The following CDK5RAP2 variants were observed in gnomAD, a reference collection of about 807,000 sequenced individuals.
CDK5RAP2 encodes CDK5 regulatory subunit associated protein 2, also known as CDK5 regulatory subunit-associated protein 2.
In CDK5RAP2, 147 loss-of-function variants were observed where a neutral mutation model predicts 232.9. That is an observed-to-expected ratio of 0.63 (90% CI 0.55 to 0.72). The LOEUF (loss-of-function observed/expected upper bound fraction) is 0.72, where lower values mean the gene tolerates loss of function less well. Ranked by LOEUF, CDK5RAP2 falls within the 30% of genes least tolerant of loss-of-function variation. The probability of loss-of-function intolerance (pLI) is 0.00; values close to 1 mark genes in which losing one functional copy is unlikely to be tolerated. For missense variants in CDK5RAP2, 2,195 were observed against 2,231.5 expected (o/e 0.98, Z 0.33); for synonymous variants, 833 against 833.7 (o/e 1.00, Z 0.01).
At chr9:120,391,432 A>C (rs1400859179) in intron 36 of CDK5RAP2, among the ~76,000 whole-genome samples, 1 of 152,328 alleles carries the variant, frequency 6.6e-6, no homozygotes, top group African/African-American at 2.4e-5. Context: ...GGGCCTGCCC[A>C]ACTCAGTCCA....
intron 26 of CDK5RAP2, 42 bp downstream of exon 26, chr9:120,422,651 G>C (rs757403015): frequency 6.6e-7 from 1 of 1,510,770 alleles, no homozygotes; most frequent in Non-Finnish European, 9.2e-7. Flanking sequence ...ATCAGACCTA[G>C]AAAGTCCTGG....
At position 120,556,167 on chromosome 9, in the gene CDK5RAP2, T is replaced by C. The variant is rs184919698; in HGVS notation, c.196-5265A>G. Among the ~76,000 whole-genome samples, 14 of 152,296 alleles carry C rather than the reference T, an allele frequency of 9.2e-5. No individual in the cohort carries two copies. The East Asian group carries it at 1.7e-3, about 19-fold the overall frequency. On this transcript the variant is annotated intron_variant, in intron 3 of 37. Coordinates refer to ENST00000349780, the MANE Select transcript of CDK5RAP2 (RefSeq NM_018249.6). ...ACATATAAAAAACTATAACCACACATACATACATATAGATTACAATAGTGA... is the reference window on the plus strand; with the variant it reads ...ACATATAAAAAACTATAACCACACACACATACATATAGATTACAATAGTGA...
chr9:120,510,803 G>T (rs551330912), intron 12 of CDK5RAP2, among the ~76,000 whole-genome samples: 1 of 152,276 alleles, frequency 6.6e-6, no homozygotes, highest in South Asian at 2.1e-4. Context: ...GGGCCCCTTT[G>T]GCAGCAGGGA....
intron 5 of CDK5RAP2, 36 bp from the exon 6 acceptor site, chr9:120,539,200 G>A (rs770274869): frequency 1.2e-6 from 2 of 1,613,016 alleles, no homozygotes; most frequent in Non-Finnish European, 1.7e-6. Context: ...ACATGCAAGG[G>A]TGATGGTCTG....
chr9:120,519,025 A>G (rs1420806548), intron 11 of CDK5RAP2, among the ~76,000 whole-genome samples: 2 of 151,944 alleles, frequency 1.3e-5, no homozygotes, highest in Non-Finnish European at 2.9e-5. Context: ...AAATACAAAA[A>G]TTAGCCAGGC....
At chr9:120,553,992 T>C (rs2042136701) in intron 3 of CDK5RAP2, among the ~76,000 whole-genome samples, 2 of 152,162 alleles carry the variant, frequency 1.3e-5, no homozygotes, top group African/African-American at 4.8e-5. Context: ...TTATTAAAAG[T>C]CAATTCATCC....
intron 23 of CDK5RAP2, among the ~76,000 whole-genome samples, chr9:120,443,111 T>A (rs2035989980): frequency 6.6e-6 from 1 of 152,202 alleles, no homozygotes; most frequent in East Asian, 1.9e-4. Flanking sequence ...ACAACTTGCC[T>A]CTGCCCTCAC....
intron 10 of CDK5RAP2, 95 bp from the exon 11 acceptor site, chr9:120,525,173 T>G (rs1229850733): frequency 4.2e-6 from 4 of 944,266 alleles, no homozygotes; most frequent in Non-Finnish European, 6.8e-6. Flanking sequence ...GTCGTGCTTA[T>G]AATCAAGGGC....
rs149360794 is a variant in CDK5RAP2, at chr9:120,550,344, C to A, written c.306+448G>T. Among the ~76,000 whole-genome samples the A allele has an allele frequency of 1.4e-3, 210 of 152,310 alleles. 1 individual carries two copies. Among genetic ancestry groups the A allele is most frequent in the African/African-American group, 4.8e-3 (199 of 41,570 alleles). ...GCACTGACTGTGTGCTGGAGCTTTT[C>A]ATCTGTCTTCTCATTTTAATTCATA... On this transcript the variant is annotated intron_variant, in intron 4 of 37. Coordinates refer to ENST00000349780, the MANE Select transcript of CDK5RAP2 (RefSeq NM_018249.6).
intron 34 of CDK5RAP2, 116 bp from the exon 35 acceptor site, chr9:120,401,001 C>T (rs984191554): frequency 3.3e-5 from 37 of 1,125,362 alleles, no homozygotes; most frequent in Middle Eastern, 4.4e-4. Context: ...ACACGCTGAG[C>T]GAAAGCCTGG....
At position 120,530,263 on chromosome 9, in the gene CDK5RAP2, CAG is replaced by C. The variant is rs558897244; in HGVS notation, c.663-125_663-124del. 4.5e-4 allele frequency: 311 copies of C among 685,878 alleles called. 5 individuals carry two copies. The South Asian group carries it at 5.1e-3, about 11-fold the overall frequency. The allele number at this position is 685,878 out of a possible 1,614,324, so 42.5% of individuals were successfully genotyped here. Reference sequence around the variant, plus strand: ...GACATATACAATGGCTGAACACAAACAGAATCACATTTTGCAGGTAGGAGATT... The same window carrying C: ...GACATATACAATGGCTGAACACAAACAATCACATTTTGCAGGTAGGAGATT... On this transcript the variant is annotated intron_variant, in intron 7 of 37. Coordinates refer to ENST00000349780, the MANE Select transcript of CDK5RAP2 (RefSeq NM_018249.6).
At chr9:120,409,351 A>G (rs1273961746) in intron 29 of CDK5RAP2, 35 bp from the exon 30 acceptor site, 1 of 1,500,484 alleles carries the variant, frequency 6.7e-7, no homozygotes, top group East Asian at 2.4e-5. Flanking sequence ...GAGAAGGGCC[A>G]CCATTTGTTT....
chr9:120,529,457 C>T (rs1478066413), intron 8 of CDK5RAP2, among the ~76,000 whole-genome samples: 1 of 152,184 alleles, frequency 6.6e-6, no homozygotes, highest in Non-Finnish European at 1.5e-5. Context: ...GAGCCTGAGC[C>T]CGTTTCTAAA....
intron 25 of CDK5RAP2, among the ~76,000 whole-genome samples, chr9:120,427,006 G>A (rs1564201202): frequency 6.6e-6 from 1 of 152,110 alleles, no homozygotes; most frequent in Non-Finnish European, 1.5e-5. Flanking sequence ...GGTTTTGTTG[G>A]GTTCCCTTAG....
chr9:120,432,466 T>A (rs1218751408), intron 25 of CDK5RAP2, among the ~76,000 whole-genome samples: 1 of 152,196 alleles, frequency 6.6e-6, no homozygotes, highest in Admixed American at 6.5e-5. Context: ...TAAGAACTCA[T>A]GCTATATGAC....
At chr9:120,568,137 T>C (rs1277449417) in intron 3 of CDK5RAP2, among the ~76,000 whole-genome samples, 184 bp downstream of exon 3, 2 of 152,212 alleles carry the variant, frequency 1.3e-5, no homozygotes, top group Non-Finnish European at 2.9e-5. Flanking sequence ...TATTTGGCCC[T>C]TGTATAAAGG....
At chr9:120,474,975 G>A (rs2037922709) in intron 15 of CDK5RAP2, among the ~76,000 whole-genome samples, 1 of 152,184 alleles carries the variant, frequency 6.6e-6, no homozygotes, top group Non-Finnish European at 1.5e-5. Flanking sequence ...TATGCATGAT[G>A]AAATATTGAG....
chr9:120,409,784 G>A (rs2033730680), intron 29 of CDK5RAP2, among the ~76,000 whole-genome samples: 1 of 152,238 alleles, frequency 6.6e-6, no homozygotes, highest in African/African-American at 2.4e-5. Flanking sequence ...AGGCACAAGA[G>A]ACACTGTGGT....
At chr9:120,567,391 A>G (rs972901074) in intron 3 of CDK5RAP2, among the ~76,000 whole-genome samples, 1 of 152,186 alleles carries the variant, frequency 6.6e-6, no homozygotes, top group African/African-American at 2.4e-5. Flanking sequence ...GGAGAAAGAA[A>G]CATAATTGTG....
Sources: allele counts gnomAD v4.1 joint callset (sites outside exome capture counted in the v4.1 genomes callset), GRCh38; gene constraint gnomAD v4.1.1; transcripts MANE v1.5; gene names NCBI Gene and HGNC (gene_info 2026-07-23, HGNC 2026-07-21).